The following PGR variants were observed in gnomAD, a reference collection of about 807,000 sequenced individuals.
PGR encodes progesterone receptor.
Under a neutral mutation model 76.1 loss-of-function variants are expected in PGR, and 25 were observed. The observed-to-expected ratio is 0.33, with a 90% confidence interval of 0.24 to 0.46. The LOEUF (loss-of-function observed/expected upper bound fraction) is 0.46, where lower values mean the gene tolerates loss of function less well. Among genes scored for constraint, PGR ranks in the 20% least tolerant of loss-of-function variants. The pLI, the probability that PGR is intolerant of heterozygous loss-of-function variation, is 1.00. For synonymous variants in PGR, 579 were observed against 535.0 expected, an observed-to-expected ratio of 1.08 and a Z score of -1.14; for missense variants, 1,172 against 1,225.3, an observed-to-expected ratio of 0.96 and a Z score of 0.65.
chr11:101,102,015 G>T (rs1289590995), intron 2 of PGR, among the ~76,000 whole-genome samples: 1 of 152,026 alleles, frequency 6.6e-6, no homozygotes, highest in African/African-American at 2.4e-5. Flanking sequence ...AATTATGTGG[G>T]GGAAAAATCA....
At chr11:101,048,945 A>G (rs1859988975) in intron 6 of PGR, among the ~76,000 whole-genome samples, 1 of 152,020 alleles carries the variant, frequency 6.6e-6, no homozygotes, top group African/African-American at 2.4e-5. Context: ...AAGTTCTCAC[A>G]TGTTGCTTAG....
chr11:101,113,915 T>C (rs1251866910), intron 2 of PGR, among the ~76,000 whole-genome samples: 1 of 152,030 alleles, frequency 6.6e-6, no homozygotes, highest in Non-Finnish European at 1.5e-5. Context: ...ATTAAAATAG[T>C]ACATAGAGAG....
chr11:101,098,737 G>A (rs1275285820), intron 2 of PGR, among the ~76,000 whole-genome samples: 1 of 152,146 alleles, frequency 6.6e-6, no homozygotes, highest in African/African-American at 2.4e-5. Context: ...ATGAGAGGAT[G>A]GGATATATTA....
chr11:101,034,178 A>G lies in PGR; in HGVS notation c.*4938T>C, dbSNP rs1314231005. The G allele has an allele frequency of 1.8e-5, 4 of 223,728 alleles. No individual in the cohort carries two copies. The highest frequency in any genetic ancestry group is 1.8e-4 in the South Asian group (1 of 5,448). 13.9% of individuals were successfully genotyped at this position (223,728 alleles called of 1,614,324 possible). A position where few individuals can be genotyped will look rare whatever the true frequency, so the allele number is the denominator to read the frequency against. On this transcript the variant is annotated 3_prime_UTR_variant, in exon 8 of 8. Transcript: ENST00000325455. ...GCCTCTCCCATGTCTCCATGAGTGG[A>G]AAAAAAGCAAACAAACCTGTGTTTA...
At chr11:101,124,319 T>G (rs1862773097) in intron 2 of PGR, among the ~76,000 whole-genome samples, 1 of 152,192 alleles carries the variant, frequency 6.6e-6, no homozygotes, top group South Asian at 2.1e-4. Flanking sequence ...GTTAGGGTGC[T>G]CTTTGTTCTA....
intron 6 of PGR, among the ~76,000 whole-genome samples, chr11:101,043,676 G>T (rs1314740210): frequency 6.6e-6 from 1 of 152,140 alleles, no homozygotes; most frequent in Non-Finnish European, 1.5e-5. Flanking sequence ...ATTACTCTTT[G>T]ATCTATGAAC....
chr11:101,060,248 T>C (rs1261863076), intron 4 of PGR, among the ~76,000 whole-genome samples: 5 of 152,206 alleles, frequency 3.3e-5, no homozygotes, highest in Non-Finnish European at 7.3e-5. Flanking sequence ...TTCTGGCTAA[T>C]TAGTGAGGAT....
intron 3 of PGR, among the ~76,000 whole-genome samples, chr11:101,074,538 T>C (rs1861057596): frequency 6.6e-6 from 1 of 152,174 alleles, no homozygotes; most frequent in South Asian, 2.1e-4. Context: ...AGTCAAACTG[T>C]GTCTTTTTGT....
At chr11:101,082,078 G>C (rs968536469) in intron 3 of PGR, among the ~76,000 whole-genome samples, 3 of 152,100 alleles carry the variant, frequency 2.0e-5, no homozygotes, top group Non-Finnish European at 4.4e-5. Context: ...TAATGAGTGA[G>C]CTCTCAGGAG....
At chr11:101,054,936 G>A (rs896415669) in intron 4 of PGR, among the ~76,000 whole-genome samples, 1 of 151,278 alleles carries the variant, frequency 6.6e-6, no homozygotes, top group Non-Finnish European at 1.5e-5. Context: ...AAAACACAAT[G>A]CCATAAAAAA....
chr11:101,128,710 G>C lies in PGR; in HGVS notation c.361C>G (p.Pro121Ala). The change falls in exon 1 of 8, where the codon CCC becomes GCC. Residue 121 changes from proline (P) to alanine (A), a missense_variant. Physicochemically the swap from Pro to Ala is conservative, Grantham distance 27. Coordinates refer to ENST00000325455, the MANE Select transcript of PGR (RefSeq NM_000926.4). ...GGTTGGCTCTGCCCGGGACCTGAGG[G>C]CGCCAACAGAGTGTCCAAGACACTG... ...LDSVLDTLLA[P>A]SGPGQSQPSP... The C allele has an allele frequency of 6.2e-7, 1 of 1,609,402 alleles. No homozygotes were observed. The highest frequency in any genetic ancestry group is 8.5e-7 in the Non-Finnish European group (1 of 1,178,576).
In PGR at chr11:101,033,847, G is replaced by A; in HGVS notation, c.*5269C>T. The A allele has an allele frequency of 4.8e-6, 1 of 210,216 alleles. No individual in the cohort carries two copies. Among genetic ancestry groups the A allele is most frequent in the Non-Finnish European group, 9.7e-6 (1 of 103,502 alleles). 13.0% of individuals were successfully genotyped at this position (210,216 alleles called of 1,614,324 possible). A position where few individuals can be genotyped will look rare whatever the true frequency, so the allele number is the denominator to read the frequency against. ...ACTGACAAGACAAAAACATTTAACT[G>A]GGCTTCATTTAGAATAATTTATATC... On this transcript the variant is annotated 3_prime_UTR_variant, in exon 8 of 8. Transcript: ENST00000325455.
Position 101,031,272 on chromosome 11 carries a change from G to T in PGR, c.*7844C>A, listed in dbSNP as rs1047552191. 3 of 220,494 alleles carry T rather than the reference G, an allele frequency of 1.4e-5. No individual in the cohort carries two copies. Among genetic ancestry groups the T allele is most frequent in the Non-Finnish European group, 2.7e-5 (3 of 112,090 alleles). 13.7% of individuals were successfully genotyped at this position (220,494 alleles called of 1,614,324 possible). A position where few individuals can be genotyped will look rare whatever the true frequency, so the allele number is the denominator to read the frequency against. ...TAAATATGAGATGATAGCAACGGGG[G>T]TCTATGACCAGGCATAACTAACAAG... On this transcript the variant is annotated 3_prime_UTR_variant, in exon 8 of 8. Transcript: ENST00000325455.
At chr11:101,059,847 AAAAAAAAAAAAAAAG>A (rs1423659424) in intron 4 of PGR, among the ~76,000 whole-genome samples, 1 of 133,538 alleles carries the variant, frequency 7.5e-6, no homozygotes, top group Non-Finnish European at 1.7e-5. Context: ...TCTCTCAAAA[AAAAAAAAAAAAAAAG>A]AAAAAAAAGA....
At chr11:101,114,574 A>C (rs1862442712) in intron 2 of PGR, among the ~76,000 whole-genome samples, 2 of 152,262 alleles carry the variant, frequency 1.3e-5, no homozygotes, top group South Asian at 4.1e-4. Flanking sequence ...CTCTGTACAA[A>C]TATATTCTGC....
At chr11:101,059,712 T>A (rs2135406762) in intron 4 of PGR, among the ~76,000 whole-genome samples, 1 of 151,502 alleles carries the variant, frequency 6.6e-6, no homozygotes, top group East Asian at 2.0e-4. Flanking sequence ...GGCGCATGCC[T>A]GTAGTCCCAG....
intron 3 of PGR, among the ~76,000 whole-genome samples, chr11:101,084,968 G>A (rs1417994478): frequency 1.3e-5 from 2 of 152,072 alleles, no homozygotes; most frequent in Admixed American, 1.3e-4. Flanking sequence ...ATAAAACAAG[G>A]ACTTCTAAGG....
At position 101,062,687 on chromosome 11, in the gene PGR, G is replaced by C; in HGVS notation, c.1972C>G (p.Gln658Glu). ...VRALDAVALPQPVGVPNESQA... is the reference protein window; with the variant it reads ...VRALDAVALPEPVGVPNESQA... ...CTTTCATTTGGAACGCCCACTGGCT[G>C]TGGGAGAGCAACAGCATCCAGTGCT... The change falls in exon 4 of 8, where the codon CAG becomes GAG. Residue 658 changes from glutamine (Q) to glutamate (E), a missense_variant. Gln to Glu is a conservative substitution (Grantham distance 29, BLOSUM62 2). Transcript: ENST00000325455. 3 of 1,613,888 alleles carry C rather than the reference G, an allele frequency of 1.9e-6. No homozygotes were observed. The highest frequency in any genetic ancestry group is 2.5e-6 in the Non-Finnish European group (3 of 1,179,906).
chr11:101,089,387 T>G (rs1253327437), intron 3 of PGR, among the ~76,000 whole-genome samples: 1 of 152,232 alleles, frequency 6.6e-6, no homozygotes, highest in Non-Finnish European at 1.5e-5. Context: ...AGAGATATTA[T>G]TGCTTAGGAA....
Sources: allele counts gnomAD v4.1 joint callset (sites outside exome capture counted in the v4.1 genomes callset), GRCh38; gene constraint gnomAD v4.1.1; transcripts MANE v1.5; gene names NCBI Gene and HGNC (gene_info 2026-07-23, HGNC 2026-07-21).